C9: variants seen among roughly 807,000 people sequenced by gnomAD.
C9 encodes complement C9, also known as complement component C9.
A neutral mutation model predicts 65.4 loss-of-function variants in C9; 63 were observed. The ratio of observed to expected loss-of-function variants is 0.96; its 90% CI spans 0.79 to 1.19. C9 has a LOEUF of 1.19. Among genes scored for constraint, C9 ranks in the 50% most tolerant of loss-of-function variants. The pLI, the probability that C9 is intolerant of heterozygous loss-of-function variation, is 0.00. For missense variants in C9, 744 were observed against 670.1 expected (o/e 1.11, Z -1.22); for synonymous variants, 229 against 227.9 (o/e 1.00, Z -0.04).
chr5:39,288,484 T>C (rs1753032105), intron 10 of C9, among the ~76,000 whole-genome samples: 2 of 151,648 alleles, frequency 1.3e-5, no homozygotes, highest in South Asian at 2.1e-4. Flanking sequence ...TTATAAAGAG[T>C]AATACAATAA....
intron 1 of C9, among the ~76,000 whole-genome samples, chr5:39,349,034 AG>A (rs1754268364): frequency 2.0e-5 from 1 of 50,392 alleles, no homozygotes. Flanking sequence ...GGTGGGGGGG[AG>A]GGGGGAAGGA....
In C9 at chr5:39,364,370, G is replaced by C; in HGVS notation, c.77+18C>G. ...TACAGGAAACTTCCAGAGACAAGCA[G>C]AAAAGTAACTGACTCACCTGGTCGT... On this transcript the variant is annotated intron_variant, in intron 1 of 10. Coordinates refer to ENST00000263408, the MANE Select transcript of C9 (RefSeq NM_001737.5). 5 of 1,480,452 alleles carry C rather than the reference G, an allele frequency of 3.4e-6. No individual in the cohort carries two copies. Among genetic ancestry groups the C allele is most frequent in the Non-Finnish European group, 4.7e-6 (5 of 1,057,890 alleles). The allele number at this position is 1,480,452 out of a possible 1,614,324, so 91.7% of individuals were successfully genotyped here.
At chr5:39,339,651 CTTTTTTTTTT>C (rs550624256) in intron 4 of C9, among the ~76,000 whole-genome samples, 80 of 57,558 alleles carry the variant, frequency 1.4e-3, no homozygotes, top group Non-Finnish European at 1.9e-3. Context: ...TCTTTTCTCT[CTTTTTTTTTT>C]TTTTTTTTTT....
intron 4 of C9, among the ~76,000 whole-genome samples, chr5:39,336,209 A>AT (rs967601730): frequency 6.6e-6 from 1 of 151,892 alleles, no homozygotes; most frequent in Non-Finnish European, 1.5e-5. Flanking sequence ...CTTTTTATTT[A>AT]TTTTTTTAAT....
At chr5:39,286,944 C>T (rs377266459) in intron 10 of C9, among the ~76,000 whole-genome samples, 2 of 151,736 alleles carry the variant, frequency 1.3e-5, no homozygotes, top group Non-Finnish European at 2.9e-5. Context: ...GAATGATAAA[C>T]GAGGCTGTGA....
intron 9 of C9, among the ~76,000 whole-genome samples, chr5:39,303,858 T>C (rs886995887): frequency 1.3e-5 from 2 of 152,094 alleles, no homozygotes; most frequent in Admixed American, 1.3e-4. Context: ...TCAGTGAGTG[T>C]GGGTGTGTGG....
chr5:39,352,834 G>GT lies in C9; in HGVS notation c.78-10639dup, dbSNP rs747093390. 3.0e-3 allele frequency among the ~76,000 whole-genome samples: 428 copies of GT among 144,708 alleles called. 1 individual carries two copies. The highest frequency in any genetic ancestry group is 8.5e-3 in the African/African-American group (333 of 39,020). 94.9% of individuals were successfully genotyped at this position (144,708 alleles called of 152,430 possible). On this transcript the variant is annotated intron_variant, in intron 1 of 10. Transcript: ENST00000263408. Reference sequence around the variant, plus strand: ...CCACCACTCTTGTGATGAAGTCTAAGTTTTTTTTTTTTTTTTTTTTTAACA... The same window carrying GT: ...CCACCACTCTTGTGATGAAGTCTAAGTTTTTTTTTTTTTTTTTTTTTTAACA...
intron 9 of C9, among the ~76,000 whole-genome samples, chr5:39,292,807 T>C (rs533729653): frequency 7.0e-6 from 1 of 142,456 alleles, no homozygotes; most frequent in Admixed American, 7.1e-5. Flanking sequence ...GGCAGCATAA[T>C]ATCATTTGAA....
chr5:39,299,434 C>T (rs1465477838), intron 9 of C9, among the ~76,000 whole-genome samples: 1 of 152,028 alleles, frequency 6.6e-6, no homozygotes, highest in African/African-American at 2.4e-5. Context: ...AAATGTCCTT[C>T]AACAGATGAC....
chr5:39,311,022 G>T, intron 7 of C9, 115 bp downstream of exon 7: 2 of 1,151,662 alleles, frequency 1.7e-6, no homozygotes, highest in Non-Finnish European at 1.3e-6. Flanking sequence ...CCTCTCAAAG[G>T]AGCAGGTTAC....
chr5:39,314,145 C>T (rs1753533399), intron 6 of C9, among the ~76,000 whole-genome samples: 1 of 152,136 alleles, frequency 6.6e-6, no homozygotes, highest in Non-Finnish European at 1.5e-5. Flanking sequence ...GAATGTCAAT[C>T]TTCTATTAAA....
At chr5:39,296,229 C>G (rs143901096) in intron 9 of C9, among the ~76,000 whole-genome samples, 2 of 151,278 alleles carry the variant, frequency 1.3e-5, no homozygotes, top group Non-Finnish European at 3.0e-5. Flanking sequence ...ACAATCAACA[C>G]GTGACCTGCA....
At chr5:39,294,953 A>G (rs1753157647) in intron 9 of C9, among the ~76,000 whole-genome samples, 1 of 151,960 alleles carries the variant, frequency 6.6e-6, no homozygotes, top group Non-Finnish European at 1.5e-5. Flanking sequence ...AAAATTATGA[A>G]CAGAAACCAT....
intron 5 of C9, among the ~76,000 whole-genome samples, chr5:39,326,726 A>G (rs1753753089): frequency 6.6e-6 from 1 of 152,236 alleles, no homozygotes; most frequent in Non-Finnish European, 1.5e-5. Context: ...CTTGAGAAAC[A>G]TCAACATAGG....
intron 5 of C9, among the ~76,000 whole-genome samples, chr5:39,322,480 A>C (rs1481572956): frequency 6.6e-6 from 1 of 152,120 alleles, no homozygotes; most frequent in Non-Finnish European, 1.5e-5. Flanking sequence ...GTAAGAGAAT[A>C]ATAAAGATCA....
chr5:39,334,953 T>G (rs2111939301), intron 4 of C9, among the ~76,000 whole-genome samples: 1 of 152,002 alleles, frequency 6.6e-6, no homozygotes, highest in East Asian at 1.9e-4. Context: ...ATGGGAGACT[T>G]TTCATTTTGT....
chr5:39,309,936 A>G (rs545101505), intron 7 of C9, among the ~76,000 whole-genome samples: 53 of 152,072 alleles, frequency 3.5e-4, no homozygotes, highest in Non-Finnish European at 6.9e-4. Context: ...TTTTCAAGTT[A>G]CTCAAGACCT....
intron 4 of C9, among the ~76,000 whole-genome samples, chr5:39,339,895 G>A (rs1398918238): frequency 4.0e-5 from 6 of 151,776 alleles, no homozygotes; most frequent in Non-Finnish European, 8.8e-5. Context: ...TCCTGACTTC[G>A]TGATCCGCCC....
intron 9 of C9, among the ~76,000 whole-genome samples, chr5:39,299,108 A>T (rs985529279): frequency 2.0e-5 from 3 of 151,980 alleles, no homozygotes; most frequent in Non-Finnish European, 4.4e-5. Flanking sequence ...ATATTATATT[A>T]GATGCATTAG....
Sources: gnomAD v4.1 joint callset for allele counts (sites outside exome capture counted in the v4.1 genomes callset) on GRCh38, gnomAD v4.1.1 for gene constraint, MANE v1.5 for transcripts, NCBI Gene and HGNC (gene_info 2026-07-23, HGNC 2026-07-21) for gene names.